CDH12: variants seen among roughly 807,000 people sequenced by gnomAD.
The protein encoded by CDH12 is cadherin-12.
Under a neutral mutation model 74.1 loss-of-function variants are expected in CDH12, and 41 were observed. The ratio of observed to expected loss-of-function variants is 0.55; its 90% CI spans 0.43 to 0.72. The LOEUF (loss-of-function observed/expected upper bound fraction) is 0.72, where lower values mean the gene tolerates loss of function less well. Among genes scored for constraint, CDH12 ranks in the 30% least tolerant of loss-of-function variants. The pLI, the probability that CDH12 is intolerant of heterozygous loss-of-function variation, is 0.00. For missense variants in CDH12, 945 were observed against 977.2 expected, an observed-to-expected ratio of 0.97 and a Z score of 0.44; for synonymous variants, 399 against 355.0, an observed-to-expected ratio of 1.12 and a Z score of -1.39.
At chr5:22,085,849 T>C (rs1224121548) in intron 4 of CDH12, among the ~76,000 whole-genome samples, 2 of 152,230 alleles carry the variant, frequency 1.3e-5, no homozygotes, top group Non-Finnish European at 2.9e-5. Flanking sequence ...TCCTATTGTA[T>C]GAAATGCATT....
At chr5:21,873,073 G>T (rs1342872722) in intron 6 of CDH12, among the ~76,000 whole-genome samples, 1 of 152,054 alleles carries the variant, frequency 6.6e-6, no homozygotes, top group Admixed American at 6.6e-5. Flanking sequence ...AATCAACACT[G>T]TAATTAAATA....
At chr5:22,480,281 A>G (rs1476519516) in intron 2 of CDH12, among the ~76,000 whole-genome samples, 1 of 151,844 alleles carries the variant, frequency 6.6e-6, no homozygotes, top group Non-Finnish European at 1.5e-5. Context: ...GGAGCAAAGT[A>G]CATTTAAAAT....
At chr5:22,285,372 T>G (rs1312235887) in intron 3 of CDH12, among the ~76,000 whole-genome samples, 1 of 152,144 alleles carries the variant, frequency 6.6e-6, no homozygotes. Flanking sequence ...TTTCAGAATT[T>G]TATGTATATG....
chr5:22,651,933 C>T (rs758150167), intron 1 of CDH12, among the ~76,000 whole-genome samples: 3 of 151,994 alleles, frequency 2.0e-5, no homozygotes, highest in Non-Finnish European at 4.4e-5. Flanking sequence ...AAACCCCCCT[C>T]GGACACTGAA....
chr5:22,707,471 T>C (rs971592255), intron 1 of CDH12, among the ~76,000 whole-genome samples: 4 of 152,274 alleles, frequency 2.6e-5, no homozygotes, highest in East Asian at 1.9e-4. Context: ...CTAAAGTGTA[T>C]GCAGTAAGCT....
chr5:22,376,899 G>T (rs964051820), intron 3 of CDH12, among the ~76,000 whole-genome samples: 1 of 151,928 alleles, frequency 6.6e-6, no homozygotes, highest in Non-Finnish European at 1.5e-5. Context: ...ATAAGTAAAT[G>T]AAAAAGTAAA....
intron 1 of CDH12, among the ~76,000 whole-genome samples, chr5:22,633,878 C>T (rs1738703977): frequency 6.6e-6 from 1 of 152,098 alleles, no homozygotes; most frequent in South Asian, 2.1e-4. Context: ...TACACATCTC[C>T]TATTAATTCT....
At chr5:22,207,552 A>G (rs539695693) in intron 4 of CDH12, among the ~76,000 whole-genome samples, 1 of 152,338 alleles carries the variant, frequency 6.6e-6, no homozygotes, top group South Asian at 2.1e-4. Flanking sequence ...GTTGACTACC[A>G]GTGGTCAAAT....
intron 4 of CDH12, among the ~76,000 whole-genome samples, chr5:22,160,981 A>C (rs998655262): frequency 2.0e-5 from 3 of 152,182 alleles, no homozygotes; most frequent in African/African-American, 4.8e-5. Context: ...AAAGTCATGC[A>C]TGGCTCTGCA....
intron 3 of CDH12, among the ~76,000 whole-genome samples, chr5:22,347,929 C>A (rs770642687): frequency 1.3e-5 from 2 of 152,138 alleles, no homozygotes; most frequent in Non-Finnish European, 2.9e-5. Flanking sequence ...TTGGCCTCAG[C>A]TATTAACTAT....
intron 3 of CDH12, among the ~76,000 whole-genome samples, chr5:22,279,509 A>G (rs1010954780): frequency 6.6e-6 from 1 of 151,970 alleles, no homozygotes; most frequent in African/African-American, 2.4e-5. Context: ...ATATCTCCTA[A>G]TGTTATCCCT....
Position 21,836,288 on chromosome 5 carries a change from G to A in CDH12, c.814+5873C>T, listed in dbSNP as rs532800209. 1.6e-3 allele frequency among the ~76,000 whole-genome samples: 236 copies of A among 151,568 alleles called. 2 individuals are homozygous for A. The highest frequency in any genetic ancestry group is 1.0e-3 in the Non-Finnish European group (70 of 67,764). ...AATAATATAGCTCTTAATAGAAACC[G>A]TCAATATAAACACGTTTGTAGATAT... On this transcript the variant is annotated intron_variant, in intron 8 of 14. Coordinates refer to ENST00000382254, the MANE Select transcript of CDH12 (RefSeq NM_004061.5).
Position 22,212,495 on chromosome 5 carries a change from T to TA in CDH12, c.-187+2dup, listed in dbSNP as rs1419906836. ...GCAGTCACCCGGATAAAGCAGCACT[T>TA]ACCTTAATTGAAATTTTCTCTGTGA... On this transcript the variant is annotated splice_region_variant and intron_variant, in intron 4 of 14. Transcript: ENST00000382254. The TA allele has an allele frequency of 3.1e-6, 3 of 968,606 alleles. No individual in the cohort carries two copies. The highest frequency in any genetic ancestry group is 4.8e-5 in the South Asian group (1 of 20,974). The allele number at this position is 968,606 out of a possible 1,614,324, so 60.0% of individuals were successfully genotyped here. A position where few individuals can be genotyped will look rare whatever the true frequency, so the allele number is the denominator to read the frequency against.
At chr5:22,791,877 C>T (rs1226136683) in intron 1 of CDH12, among the ~76,000 whole-genome samples, 4 of 152,120 alleles carry the variant, frequency 2.6e-5, no homozygotes, top group South Asian at 4.2e-4. Context: ...CAAGGCCCCT[C>T]CCTTGACATG....
rs187431497 is a variant in CDH12 at position 22,378,932 on chromosome 5, T to C, written c.-333+26325A>G. On this transcript the variant is annotated intron_variant, in intron 3 of 14. Transcript: ENST00000382254. ...AAAGTAATTTGAAAAGCTAGTGAAA[T>C]ACAATGCAGTGAATGTTGTATTCCA... 5.9e-3 allele frequency among the ~76,000 whole-genome samples: 894 copies of C among 152,264 alleles called. 8 individuals carry two copies. Among genetic ancestry groups the C allele is most frequent in the South Asian group, 0.013 (61 of 4,826 alleles).
chr5:22,257,250 T>C (rs1228026392), intron 3 of CDH12, among the ~76,000 whole-genome samples: 3 of 152,060 alleles, frequency 2.0e-5, no homozygotes, highest in Non-Finnish European at 4.4e-5. Context: ...GGTGACAACA[T>C]AATCTGCACA....
chr5:22,279,260 CATAT>C (rs1319491380), intron 3 of CDH12, among the ~76,000 whole-genome samples: 2 of 152,114 alleles, frequency 1.3e-5, no homozygotes, highest in Non-Finnish European at 2.9e-5. Flanking sequence ...TGAATAGCTT[CATAT>C]ATTACTTTTG....
chr5:22,268,128 C>A (rs139344488), intron 3 of CDH12, among the ~76,000 whole-genome samples: 1 of 151,852 alleles, frequency 6.6e-6, no homozygotes, highest in South Asian at 2.1e-4. Context: ...GGTGAAGGAA[C>A]GTGTGTTTGC....
chr5:22,031,672 T>G (rs1738835616), intron 5 of CDH12, among the ~76,000 whole-genome samples: 1 of 152,164 alleles, frequency 6.6e-6, no homozygotes, highest in Non-Finnish European at 1.5e-5. Context: ...GTAGGGACAT[T>G]AATTTCAATA....
Sources: allele counts gnomAD v4.1 joint callset (sites outside exome capture counted in the v4.1 genomes callset), GRCh38; gene constraint gnomAD v4.1.1; transcripts MANE v1.5; gene names NCBI Gene and HGNC (gene_info 2026-07-23, HGNC 2026-07-21).